Variants in KATNIP observed in about 807,000 individuals in gnomAD.
KATNIP encodes the protein katanin-interacting protein.
In KATNIP, 126 loss-of-function variants were observed where a neutral mutation model predicts 174.0. The ratio of observed to expected loss-of-function variants is 0.72; its 90% CI spans 0.63 to 0.84. The LOEUF (loss-of-function observed/expected upper bound fraction) is 0.84. Among genes scored for constraint, KATNIP ranks in the 40% least tolerant of loss-of-function variants. The probability of loss-of-function intolerance (pLI) is 0.00; values close to 1 mark genes in which losing one functional copy is unlikely to be tolerated. For missense variants in KATNIP, 1,958 were observed against 2,109.7 expected, an observed-to-expected ratio of 0.93 and a Z score of 1.41; for synonymous variants, 810 against 835.7, an observed-to-expected ratio of 0.97 and a Z score of 0.53.
At chr16:27,690,363 T>TAATA (rs397837255) in intron 8 of KATNIP, among the ~76,000 whole-genome samples, 4 of 90,986 alleles carry the variant, frequency 4.4e-5, no homozygotes, top group African/African-American at 1.9e-4. Flanking sequence ...GATAGATAGA[T>TAATA]GATAGATAGA....
chr16:27,771,790 G>T, intron 22 of KATNIP, 138 bp downstream of exon 22: 1 of 835,408 alleles, frequency 1.2e-6, no homozygotes, highest in African/African-American at 1.7e-5. Context: ...GCAGAGGATA[G>T]GAGGCCTCCT....
intron 8 of KATNIP, among the ~76,000 whole-genome samples, chr16:27,684,556 T>A (rs2078456812): frequency 6.6e-6 from 1 of 152,342 alleles, no homozygotes; most frequent in Middle Eastern, 3.4e-3. Flanking sequence ...TCTGGCATAG[T>A]GCATTAGCTT....
rs1328431012 is a variant in KATNIP, at chr16:27,777,773, A to G, written c.4712+3A>G. On this transcript the variant is annotated splice_donor_region_variant and intron_variant, in intron 26 of 27. Coordinates refer to ENST00000261588, the MANE Select transcript of KATNIP (RefSeq NM_015202.5). The surrounding 1 kb of genome is among the most constrained non-coding windows in gnomAD (Gnocchi z 4.4). ...CAGGAGAAACACACCACCATCAGGT[A>G]GGGCCCCAGCCGGCCCCATGGCCTC... The G allele has an allele frequency of 5.0e-6, 8 of 1,613,432 alleles. No individual in the cohort carries two copies. Among genetic ancestry groups the G allele is most frequent in the Non-Finnish European group, 6.8e-6 (8 of 1,179,576 alleles).
chr16:27,603,183 G>A (rs141290980), intron 2 of KATNIP, among the ~76,000 whole-genome samples: 1 of 152,340 alleles, frequency 6.6e-6, no homozygotes, highest in East Asian at 1.9e-4. Context: ...CCTTGGGGCA[G>A]AGTACTTGGG....
chr16:27,766,625 C>A, intron 20 of KATNIP, 151 bp downstream of exon 20: 1 of 776,536 alleles, frequency 1.3e-6, no homozygotes, highest in South Asian at 1.8e-5. Context: ...GAGAGAGCTG[C>A]TGTTTCCTTC....
At chr16:27,595,124 C>G (rs907276896) in intron 2 of KATNIP, among the ~76,000 whole-genome samples, 1 of 152,156 alleles carries the variant, frequency 6.6e-6, no homozygotes, top group Non-Finnish European at 1.5e-5. Flanking sequence ...GTGGCTCACG[C>G]CTGTAATCCT....
At chr16:27,703,771 G>T (rs1597222457) in intron 11 of KATNIP, 125 bp from the exon 12 acceptor site, 2 of 749,456 alleles carry the variant, frequency 2.7e-6, no homozygotes, top group East Asian at 5.0e-5. Flanking sequence ...CTTTGAACTG[G>T]ATACAGAGTG....
intron 16 of KATNIP, among the ~76,000 whole-genome samples, chr16:27,751,353 G>A (rs1039129284): frequency 2.6e-5 from 4 of 152,126 alleles, no homozygotes; most frequent in South Asian, 2.1e-4. Flanking sequence ...AAGGCTTGCC[G>A]GGTTGGAGCT....
intron 2 of KATNIP, among the ~76,000 whole-genome samples, chr16:27,580,139 G>A (rs941228277): frequency 6.6e-6 from 1 of 152,024 alleles, no homozygotes; most frequent in Non-Finnish European, 1.5e-5. Context: ...TTTAGACAGG[G>A]TCTCGCTGTG....
Position 27,632,163 on chromosome 16 carries a change from A to C in KATNIP, c.408+1001A>C, listed in dbSNP as rs1298930644. 2.0e-5 allele frequency among the ~76,000 whole-genome samples: 3 copies of C among 152,176 alleles called. No individual in the cohort carries two copies. In the East Asian group the frequency reaches 5.8e-4, roughly 29 times the overall value. Reference sequence around the variant, plus strand: ...TTTACCTCATAGTCACTCATACCTTACCGGGGACCAGCAGGTCCCAGCCCC... The same window carrying C: ...TTTACCTCATAGTCACTCATACCTTCCCGGGGACCAGCAGGTCCCAGCCCC... On this transcript the variant is annotated intron_variant, in intron 5 of 27. Transcript: ENST00000261588.
intron 22 of KATNIP, among the ~76,000 whole-genome samples, chr16:27,772,486 G>A (rs1043029758): frequency 6.6e-6 from 1 of 152,188 alleles, no homozygotes; most frequent in Non-Finnish European, 1.5e-5. Context: ...CTGGGAGTGC[G>A]GGGAGTGAGC....
Position 27,573,832 on chromosome 16 carries a change from T to G in KATNIP, c.8-69T>G, listed in dbSNP as rs75205002. 1.8e-3 allele frequency: 2,644 copies of G among 1,439,448 alleles called. 40 individuals carry two copies. In the African/African-American group the frequency reaches 0.033, roughly 18 times the overall value. The allele number at this position is 1,439,448 out of a possible 1,614,324, so 89.2% of individuals were successfully genotyped here. A position where few individuals can be genotyped will look rare whatever the true frequency, so the allele number is the denominator to read the frequency against. On this transcript the variant is annotated intron_variant, in intron 1 of 27. Coordinates refer to ENST00000261588, the MANE Select transcript of KATNIP (RefSeq NM_015202.5). ...CATCTATTCAGTTTGCAAATAAAAATCTTTTGTGTTGATAAACTAGCTGTT... is the reference window on the plus strand; with the variant it reads ...CATCTATTCAGTTTGCAAATAAAAAGCTTTTGTGTTGATAAACTAGCTGTT...
chr16:27,689,718 T>C (rs980505172), intron 8 of KATNIP, among the ~76,000 whole-genome samples: 21 of 152,174 alleles, frequency 1.4e-4, no homozygotes, highest in African/African-American at 4.8e-4. Flanking sequence ...CAAAATGTAG[T>C]GGCTTAAAAC....
At chr16:27,684,800 C>A (rs2078464617) in intron 8 of KATNIP, among the ~76,000 whole-genome samples, 1 of 152,230 alleles carries the variant, frequency 6.6e-6, no homozygotes. Context: ...GTCTCTGTCT[C>A]TGTGTCCAAA....
intron 1 of KATNIP, among the ~76,000 whole-genome samples, chr16:27,570,085 G>T (rs1181859648): frequency 6.6e-6 from 1 of 152,034 alleles, no homozygotes; most frequent in African/African-American, 2.4e-5. Context: ...TATGTTCTTT[G>T]CATTAATGTA....
chr16:27,571,869 G>GT (rs1164641545), intron 1 of KATNIP, among the ~76,000 whole-genome samples: 2 of 152,230 alleles, frequency 1.3e-5, no homozygotes, highest in Non-Finnish European at 2.9e-5. Flanking sequence ...AGCCAGAGCC[G>GT]TGTGGTCAAG....
rs543116759 is a variant in KATNIP at position 27,746,286 on chromosome 16, A to G, written c.2624-3298A>G. 1.8e-4 allele frequency among the ~76,000 whole-genome samples: 27 copies of G among 152,286 alleles called. No individual in the cohort carries two copies. The East Asian group carries it at 4.6e-3, about 26-fold the overall frequency. Reference sequence around the variant, plus strand: ...TGCTGTCTCCTTGGTGCGCTTGCAGACCAACCCAGGCCATTCATTTTAGTC... The same window carrying G: ...TGCTGTCTCCTTGGTGCGCTTGCAGGCCAACCCAGGCCATTCATTTTAGTC... On this transcript the variant is annotated intron_variant, in intron 15 of 27. Coordinates refer to ENST00000261588, the MANE Select transcript of KATNIP (RefSeq NM_015202.5).
At position 27,751,863 on chromosome 16, in the gene KATNIP, C is replaced by T. The variant is rs752581000; in HGVS notation, c.3491C>T (p.Thr1164Met). 1.2e-5 allele frequency: 19 copies of T among 1,613,710 alleles called. No homozygotes were observed. Among genetic ancestry groups the T allele is most frequent in the African/African-American group, 4.0e-5 (3 of 74,908 alleles). ...QDEEAMRRPSTADGEGDERPF... is the reference protein window; with the variant it reads ...QDEEAMRRPSMADGEGDERPF... The stretch of plus-strand genomic sequence containing the variant: ...GAAGAGGCAATGAGGAGGCCCAGCA[C>T]GGCCGACGGCGAGGGGGATGAGCGG... The change falls in exon 17 of 28, where the codon ACG (threonine) becomes ATG (methionine). Residue 1164 changes from threonine to methionine, a missense_variant. Thr to Met is a moderately conservative substitution (Grantham distance 81, BLOSUM62 -1). Around this residue, in one of 3 missense-constraint regions of KATNIP, gnomAD observed 1,557 missense variants for 1,617.8 expected, o/e 0.96. Transcript: ENST00000261588.
intron 6 of KATNIP, chr16:27,659,949 C>G: frequency 2.1e-6 from 2 of 967,742 alleles, no homozygotes; most frequent in Non-Finnish European, 2.5e-6. Flanking sequence ...TGGCCTGGTC[C>G]CCACTACCTA....
Sources: gnomAD v4.1 joint callset for allele counts (sites outside exome capture counted in the v4.1 genomes callset) on GRCh38, gnomAD v4.1.1 for gene constraint, gnomAD v4.1.1 regional missense constraint, Gnocchi (gnomAD v3.1) non-coding constraint, MANE v1.5 for transcripts, NCBI Gene and HGNC (gene_info 2026-07-23, HGNC 2026-07-21) for gene names.